OTUD7A: variants seen among roughly 807,000 people sequenced by gnomAD.
OTUD7A encodes the protein OTU domain-containing protein 7A.
OTUD7A carries 12 observed loss-of-function variants against 65.7 expected under a neutral mutation model. The ratio of observed to expected loss-of-function variants is 0.18; its 90% CI spans 0.12 to 0.30. The LOEUF is 0.30. Ranked by LOEUF, OTUD7A falls within the 10% of genes least tolerant of loss-of-function variation. The probability of loss-of-function intolerance (pLI) is 1.00; values close to 1 mark genes in which losing one functional copy is unlikely to be tolerated. For missense variants in OTUD7A, 1,148 were observed against 1,304.8 expected (o/e 0.88, Z 1.85); for synonymous variants, 641 against 586.3 (o/e 1.09, Z -1.35).
chr15:31,663,798 T>C (rs1288296178), intron 1 of OTUD7A, among the ~76,000 whole-genome samples: 1 of 152,120 alleles, frequency 6.6e-6, no homozygotes. Context: ...CAGAACCCTA[T>C]TTGCAGTCTT....
intron 1 of OTUD7A, among the ~76,000 whole-genome samples, chr15:31,869,424 T>G (rs907067764): frequency 6.6e-6 from 1 of 152,228 alleles, no homozygotes; most frequent in African/African-American, 2.4e-5. Flanking sequence ...TGTAAAGATT[T>G]AGGCCCCGCT....
intron 1 of OTUD7A, among the ~76,000 whole-genome samples, chr15:31,820,275 G>C (rs76871910): frequency 4.1e-4 from 63 of 152,282 alleles, no homozygotes; most frequent in Non-Finnish European, 9.0e-4. Context: ...ATAAGGTATA[G>C]ATGTATCCCA....
At chr15:31,699,952 T>C (rs955669259) in intron 1 of OTUD7A, among the ~76,000 whole-genome samples, 5 of 151,780 alleles carry the variant, frequency 3.3e-5, no homozygotes, top group African/African-American at 1.2e-4. Flanking sequence ...ATAATTGCTG[T>C]CCACTTCTTT....
At chr15:31,552,738 C>A (rs990708025) in intron 5 of OTUD7A, among the ~76,000 whole-genome samples, 1 of 152,220 alleles carries the variant, frequency 6.6e-6, no homozygotes, top group Non-Finnish European at 1.5e-5. Flanking sequence ...CAACGCTGCA[C>A]CTGGCCCACA....
chr15:31,598,449 G>A (rs1889973594), intron 3 of OTUD7A, among the ~76,000 whole-genome samples: 1 of 152,174 alleles, frequency 6.6e-6, no homozygotes, highest in Non-Finnish European at 1.5e-5. Context: ...GACTGAGCCT[G>A]AGGAACTATG....
At chr15:31,565,432 T>C (rs923621157) in intron 4 of OTUD7A, among the ~76,000 whole-genome samples, 1 of 152,208 alleles carries the variant, frequency 6.6e-6, no homozygotes, top group Non-Finnish European at 1.5e-5. Context: ...CTTTTTTCCA[T>C]GCTTAAAATC....
In OTUD7A at chr15:31,487,663, A is replaced by G; in HGVS notation, c.1172-97T>C. On this transcript the variant is annotated intron_variant, in intron 10 of 12. Coordinates refer to ENST00000307050, the MANE Select transcript of OTUD7A (RefSeq NM_001382637.1). This position sits in a 1 kb window ranked among gnomAD's most constrained non-coding sequence, Gnocchi z 6.0. ...AGCCAGGTATCTGGGTGACAAATGC[A>G]CCGAGTGGACATCTACACAGATCTG... 2.4e-6 allele frequency: 2 copies of G among 849,374 alleles called. No individual in the cohort carries two copies. Among genetic ancestry groups the G allele is most frequent in the South Asian group, 1.7e-5 (1 of 57,246 alleles). 52.6% of individuals were successfully genotyped at this position (849,374 alleles called of 1,614,324 possible).
Position 31,501,705 on chromosome 15 carries a change from G to C in OTUD7A, c.1156C>G (p.Gln386Glu). The C allele has an allele frequency of 6.2e-7, 1 of 1,614,150 alleles. No homozygotes were observed. Among genetic ancestry groups the C allele is most frequent in the Non-Finnish European group, 8.5e-7 (1 of 1,180,028 alleles). The change falls in exon 10 of 13, where the codon CAG becomes GAG. Residue 386 changes from glutamine (Q) to glutamate (E), a missense_variant. Physicochemically the swap from Gln to Glu is conservative, Grantham distance 29 (BLOSUM62 2). This residue lies in a region of OTUD7A where 58 missense variants were observed against 131.4 expected (regional missense o/e 0.44). Coordinates refer to ENST00000307050, the MANE Select transcript of OTUD7A (RefSeq NM_001382637.1). ...ACAGGCATACCTTGTTCTCTTTGCT[G>C]GTCTCTCTGTTCCATGGACACAAGG... ...SALVSMEQRD[Q>E]QREQAVIPLT...
intron 8 of OTUD7A, among the ~76,000 whole-genome samples, chr15:31,514,019 T>G (rs2041803231): frequency 6.6e-6 from 1 of 151,594 alleles, no homozygotes; most frequent in Admixed American, 6.6e-5. Flanking sequence ...TTTGACATCC[T>G]CATCATTTCT....
intron 3 of OTUD7A, among the ~76,000 whole-genome samples, chr15:31,633,074 A>C (rs1207666292): frequency 2.0e-5 from 3 of 152,160 alleles, no homozygotes; most frequent in African/African-American, 7.2e-5. Flanking sequence ...GAGCTTCCCG[A>C]GTGAGGCAAT....
At chr15:31,647,661 C>T (rs1207290918) in intron 3 of OTUD7A, among the ~76,000 whole-genome samples, 1 of 152,090 alleles carries the variant, frequency 6.6e-6, no homozygotes, top group Non-Finnish European at 1.5e-5. Flanking sequence ...TAATGGCTAA[C>T]ACACTATATA....
chr15:31,752,973 T>C (rs535747043), intron 1 of OTUD7A, among the ~76,000 whole-genome samples: 3 of 152,188 alleles, frequency 2.0e-5, no homozygotes, highest in Non-Finnish European at 4.4e-5. Flanking sequence ...GCAGCAGAAG[T>C]GCTCAGAATA....
chr15:31,566,236 T>G (rs1595616038), intron 4 of OTUD7A, among the ~76,000 whole-genome samples: 1 of 150,726 alleles, frequency 6.6e-6, no homozygotes, highest in Non-Finnish European at 1.5e-5. Context: ...AATTCTGTAG[T>G]CCAAGAAACC....
At chr15:31,666,726 A>G (rs2141290970) in intron 1 of OTUD7A, among the ~76,000 whole-genome samples, 1 of 152,028 alleles carries the variant, frequency 6.6e-6, no homozygotes, top group South Asian at 2.1e-4. Context: ...TGACTTTAGA[A>G]TGTCAGTTTC....
intron 2 of OTUD7A, among the ~76,000 whole-genome samples, chr15:31,656,769 G>A (rs1892005991): frequency 6.6e-6 from 1 of 151,918 alleles, no homozygotes; most frequent in Non-Finnish European, 1.5e-5. Flanking sequence ...CTGTCCAGCT[G>A]TGACATGGGC....
At chr15:31,531,520 C>CGAAAAAAAAA (rs1887621143) in intron 5 of OTUD7A, among the ~76,000 whole-genome samples, 1 of 80,164 alleles carries the variant, frequency 1.2e-5, no homozygotes, top group African/African-American at 4.2e-5. Flanking sequence ...GAGTAGGCCA[C>CGAAAAAAAAA]AAAAAAAAAA....
At chr15:31,669,274 G>C (rs1892414780) in intron 1 of OTUD7A, among the ~76,000 whole-genome samples, 1 of 152,114 alleles carries the variant, frequency 6.6e-6, no homozygotes, top group South Asian at 2.1e-4. Flanking sequence ...CATCAGGTGG[G>C]GGCAGGGTTG....
intron 1 of OTUD7A, among the ~76,000 whole-genome samples, chr15:31,748,448 C>T (rs1355045266): frequency 6.6e-6 from 1 of 150,884 alleles, no homozygotes; most frequent in Non-Finnish European, 1.5e-5. Flanking sequence ...TAAAATATGA[C>T]ATACCATATA....
Position 31,780,103 on chromosome 15 carries a change from C to T in OTUD7A, c.-100+90404G>A, listed in dbSNP as rs564132658. ...ATGGCAGAAGCAGACAGGCCAGCCGCGACAGCTGTCAGGAAATGACTCTTT... is the reference window on the plus strand; with the variant it reads ...ATGGCAGAAGCAGACAGGCCAGCCGTGACAGCTGTCAGGAAATGACTCTTT... On this transcript the variant is annotated intron_variant, in intron 1 of 12. Coordinates refer to ENST00000307050, the MANE Select transcript of OTUD7A (RefSeq NM_001382637.1). 9.2e-5 allele frequency among the ~76,000 whole-genome samples: 14 copies of T among 152,224 alleles called. No homozygotes were observed. The East Asian group carries it at 9.7e-4, about 10-fold the overall frequency.
Sources: allele counts gnomAD v4.1 joint callset (sites outside exome capture counted in the v4.1 genomes callset), GRCh38; gene constraint gnomAD v4.1.1; regional missense constraint gnomAD v4.1.1; non-coding constraint Gnocchi (gnomAD v3.1); transcripts MANE v1.5; gene names NCBI Gene and HGNC (gene_info 2026-07-23, HGNC 2026-07-21).